Variants in PTPRK observed in about 807,000 individuals in gnomAD.
PTPRK encodes the protein receptor-type tyrosine-protein phosphatase kappa.
Under a neutral mutation model 178.0 loss-of-function variants are expected in PTPRK, and 75 were observed. The ratio of observed to expected loss-of-function variants is 0.42; its 90% confidence interval spans 0.35 to 0.51. PTPRK has a LOEUF of 0.51. Among genes scored for constraint, PTPRK ranks in the 20% least tolerant of loss-of-function variants. PTPRK has a pLI of 0.02. For missense variants in PTPRK, 1,441 were observed against 1,797.8 expected (o/e 0.80, Z 3.59); for synonymous variants, 637 against 620.6 (o/e 1.03, Z -0.39).
intron 19 of PTPRK, among the ~76,000 whole-genome samples, 185 bp from the exon 20 acceptor site, chr6:127,991,576 T>C (rs1216370244): frequency 7.6e-6 from 1 of 131,530 alleles, no homozygotes; most frequent in East Asian, 2.3e-4. Flanking sequence ...CACAGGCATA[T>C]ACAAGTTTTT....
intron 7 of PTPRK, among the ~76,000 whole-genome samples, chr6:128,147,998 C>T (rs1472374197): frequency 6.6e-6 from 1 of 151,778 alleles, no homozygotes; most frequent in Non-Finnish European, 1.5e-5. Flanking sequence ...AAAAAAAAAC[C>T]ACAGAAGAAT....
intron 1 of PTPRK, among the ~76,000 whole-genome samples, chr6:128,407,840 C>A (rs1025839527): frequency 6.6e-5 from 10 of 151,584 alleles, no homozygotes; most frequent in Admixed American, 3.9e-4. Flanking sequence ...ATATAAAAAC[C>A]AAGAAGTTTT....
At chr6:128,514,589 G>C (rs1857672825) in intron 1 of PTPRK, among the ~76,000 whole-genome samples, 1 of 152,212 alleles carries the variant, frequency 6.6e-6, no homozygotes, top group Non-Finnish European at 1.5e-5. Context: ...CATTATCAGA[G>C]CTCAATAATC....
intron 1 of PTPRK, among the ~76,000 whole-genome samples, chr6:128,406,964 A>AT (rs1355546876): frequency 6.6e-6 from 1 of 152,186 alleles, no homozygotes; most frequent in East Asian, 1.9e-4. Flanking sequence ...AGTGAATGAA[A>AT]TTTTACATTG....
At chr6:128,410,144 T>C (rs1842138463) in intron 1 of PTPRK, among the ~76,000 whole-genome samples, 1 of 152,104 alleles carries the variant, frequency 6.6e-6, no homozygotes, top group South Asian at 2.1e-4. Context: ...GACATGAAAA[T>C]CATGGTATAG....
intron 2 of PTPRK, among the ~76,000 whole-genome samples, chr6:128,332,515 A>G (rs1310411640): frequency 6.6e-6 from 1 of 152,254 alleles, no homozygotes; most frequent in Admixed American, 6.5e-5. Flanking sequence ...CGAGAGGAAT[A>G]GATGGGTCTT....
At chr6:128,360,704 A>ATTAAACT (rs1834622163) in intron 2 of PTPRK, among the ~76,000 whole-genome samples, 1 of 152,162 alleles carries the variant, frequency 6.6e-6, no homozygotes, top group African/African-American at 2.4e-5. Flanking sequence ...ATGAGCATCA[A>ATTAAACT]TTAAACTTTT....
At chr6:128,114,991 A>T (rs1380610599) in intron 7 of PTPRK, among the ~76,000 whole-genome samples, 1 of 151,914 alleles carries the variant, frequency 6.6e-6, no homozygotes, top group East Asian at 1.9e-4. Context: ...TAAAAAAAAA[A>T]TTAAACCAAA....
intron 2 of PTPRK, among the ~76,000 whole-genome samples, chr6:128,331,982 G>C (rs1349931004): frequency 7.2e-6 from 1 of 139,582 alleles, no homozygotes; most frequent in African/African-American, 2.6e-5. Flanking sequence ...TAAGATAATA[G>C]CTTCTAAAAA....
At chr6:128,209,236 A>G (rs1463081854) in intron 6 of PTPRK, among the ~76,000 whole-genome samples, 1 of 152,146 alleles carries the variant, frequency 6.6e-6, no homozygotes, top group Non-Finnish European at 1.5e-5. Context: ...CAAAACTCCT[A>G]AAGGTTCCCA....
At chr6:128,150,983 T>C (rs75900336) in intron 7 of PTPRK, among the ~76,000 whole-genome samples, 3,322 of 152,224 alleles carry the variant, frequency 0.022, 97 homozygotes, top group African/African-American at 0.046. Context: ...AACTCAAATA[T>C]AGCATATCAT....
rs543389309 is a variant in PTPRK, at chr6:128,403,544, C to A, written c.101-5856G>T. Among the ~76,000 whole-genome samples, 161 of 152,064 alleles carry A rather than the reference C, an allele frequency of 1.1e-3. 1 individual carries two copies. The highest frequency in any genetic ancestry group is 1.6e-3 in the Non-Finnish European group (110 of 67,974). On this transcript the variant is annotated intron_variant, in intron 1 of 29. Transcript: ENST00000368226. ...ATAGCACAGTGGTGTTAGGATTAGT[C>A]ATAATGCATGTCAAGCTCCTAACAC...
intron 7 of PTPRK, among the ~76,000 whole-genome samples, chr6:128,105,781 C>T (rs532358489): frequency 3.4e-4 from 52 of 152,272 alleles, no homozygotes; most frequent in African/African-American, 1.3e-3. Context: ...CTTTTTCATT[C>T]ACATGGAGAC....
chr6:128,152,799 G>C (rs73588650), intron 7 of PTPRK, among the ~76,000 whole-genome samples: 2,598 of 152,002 alleles, frequency 0.017, 65 homozygotes, highest in African/African-American at 0.059. Context: ...TGGACAGATC[G>C]TGACAGAGAA....
chr6:128,391,256 T>C (rs1266964472), intron 2 of PTPRK, among the ~76,000 whole-genome samples: 4 of 152,130 alleles, frequency 2.6e-5, no homozygotes, highest in Non-Finnish European at 4.4e-5. Flanking sequence ...TTTTGAGGTT[T>C]TCCCATCTAC....
chr6:128,090,900 C>A (rs1050166785), intron 7 of PTPRK, among the ~76,000 whole-genome samples: 1 of 152,100 alleles, frequency 6.6e-6, no homozygotes, highest in Non-Finnish European at 1.5e-5. Context: ...AAGGGATTTC[C>A]GATGCCTCTC....
intron 1 of PTPRK, among the ~76,000 whole-genome samples, chr6:128,479,077 AC>A (rs1851724835): frequency 6.6e-6 from 1 of 152,004 alleles, no homozygotes; most frequent in Non-Finnish European, 1.5e-5. Flanking sequence ...CACTGACTCT[AC>A]TAGAGTGTAG....
At chr6:128,491,898 G>A (rs1160206202) in intron 1 of PTPRK, 2 of 469,144 alleles carry the variant, frequency 4.3e-6, no homozygotes, top group Non-Finnish European at 8.5e-6. Context: ...TTCACGGCAG[G>A]AAGAATACTT....
At chr6:127,991,556 T>C (rs75712448) in intron 19 of PTPRK, among the ~76,000 whole-genome samples, 165 bp from the exon 20 acceptor site, 1,672 of 148,322 alleles carry the variant, frequency 0.011, 34 homozygotes, top group African/African-American at 0.039. Context: ...ATTCCCACAA[T>C]AGGCAAAAAC....
Sources: allele counts gnomAD v4.1 joint callset (sites outside exome capture counted in the v4.1 genomes callset), GRCh38; gene constraint gnomAD v4.1.1; transcripts MANE v1.5; gene names NCBI Gene and HGNC (gene_info 2026-07-23, HGNC 2026-07-21).